PTPRH: variants seen among roughly 807,000 people sequenced by gnomAD.
PTPRH encodes the protein protein tyrosine phosphatase receptor type H, also known as receptor-type tyrosine-protein phosphatase H.
PTPRH carries 113 observed loss-of-function variants against 130.2 expected under a neutral mutation model. The observed-to-expected ratio is 0.87, with a 90% CI of 0.75 to 1.01. The LOEUF is 1.01. PTPRH is among the 50% of genes least tolerant of loss of function. The pLI, the probability that PTPRH is intolerant of heterozygous loss-of-function variation, is 0.00. For missense variants in PTPRH, 1,430 were observed against 1,425.0 expected (o/e 1.00, Z -0.06); for synonymous variants, 556 against 577.9 (o/e 0.96, Z 0.54).
chr19:55,198,620 G>T lies in PTPRH; in HGVS notation c.1690+23C>A, dbSNP rs370435096. ...CCTTCCCCCATCCTAATAGGGCTGG[G>T]TTCAGAACCGACTGTGTCTCACCAG... On this transcript the variant is annotated intron_variant, in intron 8 of 19. Transcript: ENST00000376350. 1.9e-6 allele frequency: 3 copies of T among 1,572,596 alleles called. No individual in the cohort carries two copies. In the African/African-American group the frequency reaches 4.1e-5, roughly 21 times the overall value.
In PTPRH at chr19:55,186,494, G is replaced by A. The variant is rs987223874; in HGVS notation, c.2613C>T (p.Gly871=). The part of the protein sequence containing the change: ...VPLKPIHEEP[G]SDYINASFMP... ...TGAAGCTGGCATTGATGTAGTCAGA[G>A]CCTGGCTCCTCATGGATGGGCTTCA... Residue 871 remains glycine (G), a synonymous_variant, in exon 15 of 20, where the codon GGC becomes GGT. Coordinates refer to ENST00000376350, the MANE Select transcript of PTPRH (RefSeq NM_002842.5). The A allele has an allele frequency of 1.3e-6, 2 of 1,553,196 alleles. No homozygotes were observed. Among genetic ancestry groups the A allele is most frequent in the Non-Finnish European group, 1.7e-6 (2 of 1,157,026 alleles).
chr19:55,183,680 C>T (rs1156754265), intron 18 of PTPRH, among the ~76,000 whole-genome samples: 1 of 151,606 alleles, frequency 6.6e-6, no homozygotes, highest in East Asian at 2.0e-4. Flanking sequence ...GCGGAGATCG[C>T]ACCGTTGCAC....
At position 55,209,371 on chromosome 19, in the gene PTPRH, G is replaced by A; in HGVS notation, c.51+12C>T. Reference sequence around the variant, plus strand: ...CTGCCTTGGGAGCCCGCTCTGGGCGGGGAGCACTTACCAGCAGCACCAGGT... The same window carrying A: ...CTGCCTTGGGAGCCCGCTCTGGGCGAGGAGCACTTACCAGCAGCACCAGGT... On this transcript the variant is annotated intron_variant, in intron 1 of 19. Transcript: ENST00000376350. The surrounding 1 kb of genome is among the most constrained non-coding windows in gnomAD (Gnocchi z 4.1). 1 of 1,560,162 alleles carries A rather than the reference G, an allele frequency of 6.4e-7. No individual in the cohort carries two copies.
chr19:55,192,128 C>A (rs918609529), intron 10 of PTPRH: 2 of 371,106 alleles, frequency 5.4e-6, no homozygotes, highest in Admixed American at 3.4e-5. Flanking sequence ...TACGGCCGGG[C>A]GCGGTGGCTT....
In PTPRH at chr19:55,185,849, T is replaced by C. The variant is rs1235137843; in HGVS notation, c.2901+13A>G. ...GGAAGGCTGAGGGCCAGGACGGGGC[T>C]GGACACACGCACCTGGAGGAGCAGC... On this transcript the variant is annotated intron_variant, in intron 17 of 19. Transcript: ENST00000376350. 1.2e-6 allele frequency: 2 copies of C among 1,613,982 alleles called. No individual in the cohort carries two copies. The highest frequency in any genetic ancestry group is 2.7e-5 in the African/African-American group (2 of 74,916).
intron 10 of PTPRH, among the ~76,000 whole-genome samples, chr19:55,192,502 G>A (rs1299719115): frequency 6.6e-6 from 1 of 152,040 alleles, no homozygotes; most frequent in Non-Finnish European, 1.5e-5. Flanking sequence ...TCAAGAGTAG[G>A]CTATTAGTAG....
At chr19:55,207,274 G>A in intron 1 of PTPRH, 75 bp from the exon 2 acceptor site, 1 of 1,522,822 alleles carries the variant, frequency 6.6e-7, no homozygotes, top group Non-Finnish European at 8.9e-7. Context: ...GGGCTGGGAG[G>A]AGCGGCTGGT....
intron 19 of PTPRH, 30 bp from the exon 20 acceptor site, chr19:55,181,933 T>A: frequency 1.2e-6 from 2 of 1,613,768 alleles, no homozygotes; most frequent in Non-Finnish European, 1.7e-6. Context: ...GTGAGAGGCG[T>A]CCCCCCAGGT....
intron 10 of PTPRH, chr19:55,193,952 G>T: frequency 3.1e-6 from 1 of 321,740 alleles, no homozygotes; most frequent in Non-Finnish European, 6.1e-6. Flanking sequence ...GGGTTCTAGT[G>T]ATTCTCTTGC....
chr19:55,209,254 G>T lies in PTPRH; in HGVS notation c.51+129C>A. ...TCCTACAGTCTCTGCCAAGCCTGAA[G>T]CCCTCTTCCTTCTCCAGGGGATCTT... On this transcript the variant is annotated intron_variant, in intron 1 of 19. Transcript: ENST00000376350. The surrounding 1 kb of genome is among the most constrained non-coding windows in gnomAD (Gnocchi z 4.1). The T allele has an allele frequency of 1.2e-6, 1 of 807,212 alleles. No homozygotes were observed. The highest frequency in any genetic ancestry group is 2.1e-6 in the Non-Finnish European group (1 of 474,990). The allele number at this position is 807,212 out of a possible 1,614,324, so 50.0% of individuals were successfully genotyped here. A position where few individuals can be genotyped will look rare whatever the true frequency, so the allele number is the denominator to read the frequency against.
intron 16 of PTPRH, 24 bp from the exon 17 acceptor site, chr19:55,186,008 G>T: frequency 6.2e-7 from 1 of 1,613,812 alleles, no homozygotes; most frequent in East Asian, 2.2e-5. Context: ...AGGGGTCAGA[G>T]AACACAACTC....
In PTPRH at chr19:55,196,920, T is replaced by C. The variant is rs1478546025; in HGVS notation, c.1991-132A>G. ...TCCAAACTACCTCATCTTCCCTCCTTTTCTGTCCTCCCCGAATGGACACAA... is the reference window on the plus strand; with the variant it reads ...TCCAAACTACCTCATCTTCCCTCCTCTTCTGTCCTCCCCGAATGGACACAA... On this transcript the variant is annotated intron_variant, in intron 9 of 19. Transcript: ENST00000376350. 1.2e-5 allele frequency: 15 copies of C among 1,274,652 alleles called. No individual in the cohort carries two copies. In the East Asian group the frequency reaches 2.5e-4, roughly 21 times the overall value. The allele number at this position is 1,274,652 out of a possible 1,614,324, so 79.0% of individuals were successfully genotyped here.
chr19:55,192,882 C>A (rs2086583094), intron 10 of PTPRH, among the ~76,000 whole-genome samples: 1 of 151,712 alleles, frequency 6.6e-6, no homozygotes. Flanking sequence ...GTGTAGGGGA[C>A]AATTGTTCAA....
At chr19:55,191,972 C>T in intron 10 of PTPRH, 1 of 660,668 alleles carries the variant, frequency 1.5e-6, no homozygotes, top group Non-Finnish European at 2.8e-6. Flanking sequence ...CCTCCTCCTC[C>T]TCCGCCTACT....
At chr19:55,204,460 G>A (rs769435003) in intron 4 of PTPRH, among the ~76,000 whole-genome samples, 32 of 152,266 alleles carry the variant, frequency 2.1e-4, no homozygotes, top group Admixed American at 9.8e-4. Flanking sequence ...GCTGGTGCCA[G>A]TAGATGCAGA....
chr19:55,186,294 G>A lies in PTPRH; in HGVS notation c.2709C>T (p.Phe903=). The A allele has an allele frequency of 2.5e-6, 4 of 1,614,114 alleles. No homozygotes were observed. Among genetic ancestry groups the A allele is most frequent in the Non-Finnish European group, 3.4e-6 (4 of 1,179,988 alleles). Residue 903 remains phenylalanine, a synonymous_variant, in exon 16 of 20, where the codon TTC becomes TTT. Coordinates refer to ENST00000376350, the MANE Select transcript of PTPRH (RefSeq NM_002842.5). ...QGPLPQTVGD[F]WRLVWEQQSH... is the part of the protein sequence containing the mutation. ...TCTGCTGTTCCCACACCAGGCGCCAGAAGTCACCCACTGTCTGTGGCAGGG... is the reference window on the plus strand; with the variant it reads ...TCTGCTGTTCCCACACCAGGCGCCAAAAGTCACCCACTGTCTGTGGCAGGG...
chr19:55,202,262 G>T lies in PTPRH; in HGVS notation c.947C>A (p.Thr316Asn). ...EAQTNSSIAL[T>N]WEVPDGPDPQ... Reference sequence around the variant, plus strand: ...GTCTGGGCCATCGGGGACCTCCCAGGTCAGGGCGATGGAGCTGTTGGTCTG... The same window carrying T: ...GTCTGGGCCATCGGGGACCTCCCAGTTCAGGGCGATGGAGCTGTTGGTCTG... Residue 316 changes from threonine to asparagine, a missense_variant, in exon 6 of 20, where the codon ACC becomes AAC. Transcript: ENST00000376350. 1 of 1,614,188 alleles carries T rather than the reference G, an allele frequency of 6.2e-7. No homozygotes were observed. Among genetic ancestry groups the T allele is most frequent in the Non-Finnish European group, 8.5e-7 (1 of 1,180,024 alleles).
intron 1 of PTPRH, 182 bp from the exon 2 acceptor site, chr19:55,207,381 G>A (rs991928115): frequency 1.3e-5 from 8 of 627,658 alleles, no homozygotes; most frequent in Non-Finnish European, 2.0e-5. Flanking sequence ...AGGAGAGAAG[G>A]GGGAGCATGG....
chr19:55,196,643 A>T lies in PTPRH; in HGVS notation c.2136T>A (p.Cys712Ter). ...GACCCAACACAGACACAGCCTCCCC[A>T]CATGAAGATCTGTCCTGGGAGCCCC... ...GQRGSQDRSS[C>*]GEAVSVLGLG... The change falls in exon 10 of 20, where the codon TGT (cysteine) becomes TGA (stop). Residue 712 changes from cysteine to a stop codon, truncating the protein, a stop_gained. Transcript: ENST00000376350. LOFTEE classifies it high-confidence loss of function. 1 of 1,613,920 alleles carries T rather than the reference A, an allele frequency of 6.2e-7. No individual in the cohort carries two copies. Among genetic ancestry groups the T allele is most frequent in the East Asian group, 2.2e-5 (1 of 44,858 alleles).
Sources: allele counts gnomAD v4.1 joint callset (sites outside exome capture counted in the v4.1 genomes callset), GRCh38; gene constraint gnomAD v4.1.1; non-coding constraint Gnocchi (gnomAD v3.1); transcripts MANE v1.5; gene names NCBI Gene and HGNC (gene_info 2026-07-23, HGNC 2026-07-21).